The following TUSC3 variants were observed in gnomAD, a reference collection of about 807,000 sequenced individuals.
TUSC3 encodes the protein tumor suppressor candidate 3.
A neutral mutation model predicts 44.8 loss-of-function variants in TUSC3; 45 were observed. The ratio of observed to expected loss-of-function variants is 1.00; its 90% CI spans 0.79 to 1.29. The LOEUF is 1.29. Among genes scored for constraint, TUSC3 ranks in the 50% most tolerant of loss-of-function variants. The pLI, the probability that TUSC3 is intolerant of heterozygous loss-of-function variation, is 0.00. For missense variants in TUSC3, 519 were observed against 437.9 expected (o/e 1.19, Z -1.65); for synonymous variants, 212 against 152.9 (o/e 1.39, Z -2.85).
chr8:15,420,199 A>C (rs746214869), intron 1 of TUSC3, among the ~76,000 whole-genome samples: 28 of 152,202 alleles, frequency 1.8e-4, no homozygotes, highest in Non-Finnish European at 3.5e-4. Context: ...GGTCACATTA[A>C]ATAAGAGTTC....
At chr8:15,652,601 A>G (rs934494790) in intron 3 of TUSC3, among the ~76,000 whole-genome samples, 4 of 152,158 alleles carry the variant, frequency 2.6e-5, no homozygotes, top group Non-Finnish European at 4.4e-5. Flanking sequence ...TCATAATAAA[A>G]CATATAAATA....
At chr8:15,581,362 G>A (rs1803323361) in intron 1 of TUSC3, among the ~76,000 whole-genome samples, 1 of 150,256 alleles carries the variant, frequency 6.7e-6, no homozygotes, top group South Asian at 2.1e-4. Flanking sequence ...TGCTGGTGAG[G>A]AACTGCGTTC....
At chr8:15,441,663 C>A (rs1156257654) in intron 1 of TUSC3, among the ~76,000 whole-genome samples, 1 of 151,998 alleles carries the variant, frequency 6.6e-6, no homozygotes, top group Non-Finnish European at 1.5e-5. Flanking sequence ...GCACGTCTAC[C>A]AACAGAAATT....
At chr8:15,441,557 G>A (rs1253800958) in intron 1 of TUSC3, among the ~76,000 whole-genome samples, 2 of 152,174 alleles carry the variant, frequency 1.3e-5, no homozygotes, top group Admixed American at 6.5e-5. Flanking sequence ...CATAGACATG[G>A]AGAATTGTTA....
chr8:15,485,708 C>G (rs571817483), intron 2 of TUSC3, among the ~76,000 whole-genome samples: 2 of 152,230 alleles, frequency 1.3e-5, no homozygotes, highest in African/African-American at 4.8e-5. Flanking sequence ...AAGAAGAGAG[C>G]AGACCAAGGA....
intron 1 of TUSC3, among the ~76,000 whole-genome samples, chr8:15,425,426 T>C (rs1799791487): frequency 6.6e-6 from 1 of 152,174 alleles, no homozygotes; most frequent in Admixed American, 6.5e-5. Flanking sequence ...AATCCTATGA[T>C]GAAAATTAAG....
chr8:15,839,844 A>G, the TUSC3 span, among the ~76,000 whole-genome samples: 4 of 152,202 alleles, frequency 2.6e-5, no homozygotes, highest in Admixed American at 2.6e-4. Flanking sequence ...CTAGAACTAG[A>G]AATACCATTT....
At chr8:15,807,145 G>C in the TUSC3 span, 1 of 937,464 alleles carries the variant, frequency 1.1e-6, no homozygotes. Flanking sequence ...AGTCCACTTG[G>C]CAAAGCAATC....
intron 1 of TUSC3, among the ~76,000 whole-genome samples, chr8:15,448,108 C>CATATATATATATAT (rs376338237): frequency 3.1e-5 from 3 of 96,514 alleles, no homozygotes; most frequent in African/African-American, 1.6e-4. Context: ...AGTGTATATA[C>CATATATATATATAT]ATATATATAT....
At chr8:15,723,038 G>C (rs1418855536) in intron 6 of TUSC3, among the ~76,000 whole-genome samples, 1 of 151,990 alleles carries the variant, frequency 6.6e-6, no homozygotes, top group East Asian at 1.9e-4. Context: ...TCCATATATA[G>C]AGCCTGAAAA....
At chr8:15,797,960 T>C in the TUSC3 span, among the ~76,000 whole-genome samples, 68 of 152,306 alleles carry the variant, frequency 4.5e-4, no homozygotes, top group East Asian at 0.012. Flanking sequence ...ATGCATCTCT[T>C]ACTATTCTTT....
chr8:15,733,705 A>G (rs911503495), intron 7 of TUSC3: 19 of 154,030 alleles, frequency 1.2e-4, no homozygotes, highest in Non-Finnish European at 2.9e-5. Flanking sequence ...AGACATATCT[A>G]TTACTAAGAA....
chr8:15,630,115 A>T (rs1437433311), intron 2 of TUSC3, among the ~76,000 whole-genome samples: 2 of 152,152 alleles, frequency 1.3e-5, no homozygotes, highest in Non-Finnish European at 2.9e-5. Flanking sequence ...TCCAGGGTTT[A>T]TTACAAAATC....
the TUSC3 span, among the ~76,000 whole-genome samples, chr8:15,773,122 G>A: frequency 6.6e-6 from 1 of 152,150 alleles, no homozygotes; most frequent in Non-Finnish European, 1.5e-5. Context: ...ATTATTCTGT[G>A]TGTTCTAGGT....
rs934317991 is a variant in TUSC3 at position 15,506,392 on chromosome 8, C to G, written n.189+22909C>G. On this transcript the variant is annotated intron_variant and non_coding_transcript_variant, in intron 2 of 5. Coordinates refer to the TUSC3 transcript ENST00000503191. ...TTACTGTAACTTTCACTCCACATTT[C>G]TGTGTAAAAACGGACCTTCTAAAGG... Among the ~76,000 whole-genome samples, 8 of 152,206 alleles carry G rather than the reference C, an allele frequency of 5.3e-5. No individual in the cohort carries two copies. In the South Asian group the frequency reaches 1.7e-3, roughly 31 times the overall value.
rs374745049 is a variant in TUSC3, at chr8:15,662,025, A to G, written c.568-131A>G. On this transcript the variant is annotated intron_variant, in intron 4 of 10. Coordinates refer to ENST00000503731, the MANE Select transcript of TUSC3 (RefSeq NM_006765.4). The stretch of plus-strand genomic sequence containing the variant: ...CTTATGGCAGAATGAAAGTAGTGCT[A>G]GTGTCACGTATGAAAAGTTGGGTGG... 7 of 925,640 alleles carry G rather than the reference A, an allele frequency of 7.6e-6. No individual in the cohort carries two copies. In the African/African-American group the frequency reaches 1.2e-4, roughly 15 times the overall value. 57.3% of individuals were successfully genotyped at this position (925,640 alleles called of 1,614,324 possible). A position where few individuals can be genotyped will look rare whatever the true frequency, so the allele number is the denominator to read the frequency against.
At chr8:15,820,093 T>C in the TUSC3 span, among the ~76,000 whole-genome samples, 1 of 152,312 alleles carries the variant, frequency 6.6e-6, no homozygotes, top group Admixed American at 6.5e-5. Flanking sequence ...AAATGCTTTT[T>C]CTGCATCTAC....
intron 9 of TUSC3, among the ~76,000 whole-genome samples, chr8:15,753,128 T>A (rs1811777191): frequency 2.6e-5 from 4 of 152,082 alleles, no homozygotes; most frequent in Admixed American, 2.6e-4. Context: ...TCTAATCCTA[T>A]AATGTTCTCT....
At chr8:15,794,378 C>T in the TUSC3 span, among the ~76,000 whole-genome samples, 1 of 152,090 alleles carries the variant, frequency 6.6e-6, no homozygotes, top group African/African-American at 2.4e-5. Context: ...AATCAGAGTG[C>T]ATTTTTACAT....
Sources: allele counts gnomAD v4.1 joint callset (sites outside exome capture counted in the v4.1 genomes callset), GRCh38; gene constraint gnomAD v4.1.1; transcripts MANE v1.5; gene names NCBI Gene and HGNC (gene_info 2026-07-23, HGNC 2026-07-21).